Variants in LRP3 observed in about 807,000 individuals in gnomAD.
The protein encoded by LRP3 is low-density lipoprotein receptor-related protein 3.
A neutral mutation model predicts 58.5 loss-of-function variants in LRP3; 49 were observed. The observed-to-expected ratio is 0.84, with a 90% CI of 0.67 to 1.06. LRP3 has a LOEUF of 1.06. Ranked by LOEUF, LRP3 falls within the 50% of genes least tolerant of loss-of-function variation. The probability of loss-of-function intolerance (pLI) is 0.00; values close to 1 mark genes in which losing one functional copy is unlikely to be tolerated. For missense variants in LRP3, 1,019 were observed against 1,134.2 expected (o/e 0.90, Z 1.46); for synonymous variants, 485 against 492.2 (o/e 0.99, Z 0.20).
Position 33,205,993 on chromosome 19 carries a change from G to C in LRP3, c.1223G>C (p.Arg408Pro). 2 of 1,574,112 alleles carry C rather than the reference G, an allele frequency of 1.3e-6. No individual in the cohort carries two copies. Among genetic ancestry groups the C allele is most frequent in the Non-Finnish European group, 1.7e-6 (2 of 1,159,938 alleles). The change falls in exon 5 of 7, where the codon CGA (arginine) becomes CCA (proline). Residue 408 changes from arginine to proline, a missense_variant. Physicochemically the swap from Arg to Pro is moderately radical, Grantham distance 103. This residue lies in a region of LRP3 where 592 missense variants were observed against 725.5 expected (regional missense o/e 0.82). Coordinates refer to ENST00000253193, the MANE Select transcript of LRP3 (RefSeq NM_002333.4). ...CDGWWHCASGRDEQGCPACPP... is the reference protein window; with the variant it reads ...CDGWWHCASGPDEQGCPACPP... ...GGCTGGTGGCATTGTGCCAGCGGCC[G>C]AGACGAGCAGGGCTGCCCTGCCTGC...
Position 33,207,446 on chromosome 19 carries a change from C to A in LRP3, c.2184C>A (p.Pro728=). 6.3e-7 allele frequency: 1 copy of A among 1,598,148 alleles called. No homozygotes were observed. The highest frequency in any genetic ancestry group is 2.3e-5 in the East Asian group (1 of 44,396). The change falls in exon 7 of 7, where the codon CCC becomes CCA. Residue 728 remains proline, a synonymous_variant. Transcript: ENST00000253193. The stretch of plus-strand genomic sequence containing the variant: ...CCTGCTCAGCCCAGGACCCGCACCC[C>A]CAGGTCTCCACTGCCAGCAGCACCC... ...REPCSAQDPH[P]QVSTASSTLG...
At chr19:33,206,895 A>G in intron 6 of LRP3, 93 bp from the exon 7 acceptor site, 1 of 1,211,412 alleles carries the variant, frequency 8.3e-7, no homozygotes, top group Non-Finnish European at 1.1e-6. Context: ...CTCGGGTCTC[A>G]GGTCCCTTGG....
At chr19:33,198,476 A>G (rs547627126) in intron 2 of LRP3, among the ~76,000 whole-genome samples, 4 of 152,236 alleles carry the variant, frequency 2.6e-5, no homozygotes, top group Admixed American at 6.5e-5. Context: ...AGGTGGCCCA[A>G]GGTACCCACC....
chr19:33,194,731 A>C lies in LRP3; in HGVS notation c.-55A>C, dbSNP rs1041538579. On this transcript the variant is annotated 5_prime_UTR_variant, in exon 1 of 7. Transcript: ENST00000253193. ...AGCCAGAGCCGGAGCCGCAGCCGGAACCGGAGCCGGAGCCGCGGGGCAGGA... is the reference window on the plus strand; with the variant it reads ...AGCCAGAGCCGGAGCCGCAGCCGGACCCGGAGCCGGAGCCGCGGGGCAGGA... 9.8e-6 allele frequency: 5 copies of C among 512,422 alleles called. No individual in the cohort carries two copies. Among genetic ancestry groups the C allele is most frequent in the Admixed American group, 7.9e-5 (1 of 12,594 alleles). The allele number at this position is 512,422 out of a possible 1,614,324, so 31.7% of individuals were successfully genotyped here. A position where few individuals can be genotyped will look rare whatever the true frequency, so the allele number is the denominator to read the frequency against.
At chr19:33,203,463 CAG>C (rs1206891632) in intron 3 of LRP3, among the ~76,000 whole-genome samples, 2 of 152,168 alleles carry the variant, frequency 1.3e-5, no homozygotes, top group African/African-American at 4.8e-5. Flanking sequence ...TGCAAAGGTG[CAG>C]AGAGCGTGTA....
At position 33,206,972 on chromosome 19, in the gene LRP3, C is replaced by T. The variant is rs1298405470; in HGVS notation, c.1726-16C>T. On this transcript the variant is annotated splice_polypyrimidine_tract_variant and intron_variant, in intron 6 of 6. Transcript: ENST00000253193. ...TCAGCCGCATCCCCCCGCCCCTACC[C>T]TGCTCCACCCCACAGGCCTCTGTGC... 3 of 1,462,676 alleles carry T rather than the reference C, an allele frequency of 2.1e-6. No individual in the cohort carries two copies. The highest frequency in any genetic ancestry group is 2.6e-5 in the Admixed American group (1 of 38,084). 90.6% of individuals were successfully genotyped at this position (1,462,676 alleles called of 1,614,324 possible). A position where few individuals can be genotyped will look rare whatever the true frequency, so the allele number is the denominator to read the frequency against.
At chr19:33,204,135 C>T (rs150431229) in intron 3 of LRP3, 99 of 165,642 alleles carry the variant, frequency 6.0e-4, no homozygotes, top group South Asian at 1.8e-3. Flanking sequence ...CAGTGTATCT[C>T]CGGAGATGAC....
rs757278351 is a variant in LRP3 at position 33,206,048 on chromosome 19, C to G, written c.1278C>G (p.Gly426=). ...CCGACCAGTACCCCTGCGAGGGTGG[C>G]AGTGGTCTGTGCTACACGCCTGCCG... The part of the protein sequence containing the change: ...CPPDQYPCEG[G]SGLCYTPADR... Residue 426 remains glycine, a synonymous_variant, in exon 5 of 7, where the codon GGC becomes GGG. Coordinates refer to ENST00000253193, the MANE Select transcript of LRP3 (RefSeq NM_002333.4). The G allele has an allele frequency of 5.6e-6, 9 of 1,600,236 alleles. No individual in the cohort carries two copies. The South Asian group carries it at 1.0e-4, about 18-fold the overall frequency.
chr19:33,196,708 C>T (rs1454672428), intron 1 of LRP3, 22 bp from the exon 2 acceptor site: 1 of 1,613,736 alleles, frequency 6.2e-7, no homozygotes, highest in African/African-American at 1.3e-5. Flanking sequence ...GACCCCTGAC[C>T]CTTTCTTTGT....
rs757113380 is a variant in LRP3 at position 33,206,109 on chromosome 19, G to A, written c.1339G>A (p.Ala447Thr). The change falls in exon 5 of 7, where the codon GCC becomes ACC. Residue 447 changes from alanine to threonine, a missense_variant. This residue lies in a region of LRP3 where 592 missense variants were observed against 725.5 expected (regional missense o/e 0.82). Coordinates refer to ENST00000253193, the MANE Select transcript of LRP3 (RefSeq NM_002333.4). The part of the protein sequence containing the change: ...CNNQKSCPDG[A>T]DEKNCFSCQP... ...CAACCAGAAAAGCTGTCCCGACGGCGCCGACGAGAAGAACTGCTTCTCCTG... is the reference window on the plus strand; with the variant it reads ...CAACCAGAAAAGCTGTCCCGACGGCACCGACGAGAAGAACTGCTTCTCCTG... 9.9e-6 allele frequency: 16 copies of A among 1,609,348 alleles called. No individual in the cohort carries two copies. The highest frequency in any genetic ancestry group is 1.2e-5 in the Non-Finnish European group (14 of 1,179,048).
intron 6 of LRP3, 116 bp downstream of exon 6, chr19:33,206,849 C>T: frequency 7.8e-7 from 1 of 1,284,642 alleles, no homozygotes; most frequent in African/African-American, 1.5e-5. Flanking sequence ...GACCTGAGGG[C>T]CCATGGCCAG....
At position 33,199,604 on chromosome 19, in the gene LRP3, A is replaced by G. The variant is rs1215472126; in HGVS notation, c.121+2827A>G. 4.6e-5 allele frequency among the ~76,000 whole-genome samples: 7 copies of G among 152,222 alleles called. 1 individual carries two copies. The South Asian group carries it at 1.0e-3, about 23-fold the overall frequency. ...GCTGCACCCACCATGGTCTCTGCCA[A>G]CCCGCTTTGGAGAAGAGCAAACAGT... On this transcript the variant is annotated intron_variant, in intron 2 of 6. Coordinates refer to ENST00000253193, the MANE Select transcript of LRP3 (RefSeq NM_002333.4).
Position 33,204,799 on chromosome 19 carries a change from C to CAA in LRP3, c.423_424insAA (p.Asp142LysfsTer194). 6.2e-7 allele frequency: 1 copy of CAA among 1,613,638 alleles called. No individual in the cohort carries two copies. Among genetic ancestry groups the CAA allele is most frequent in the Non-Finnish European group, 8.5e-7 (1 of 1,179,992 alleles). ...GACCATGTCTGGATTTTCTTCCACT[C>CAA]AGACGCCTCCAGCTCCGGCCAGGCC... On this transcript the variant is annotated frameshift_variant, in exon 4 of 7. Coordinates refer to ENST00000253193, the MANE Select transcript of LRP3 (RefSeq NM_002333.4). LOFTEE classifies it high-confidence loss of function.
In LRP3 at chr19:33,205,979, T is replaced by C. The variant is rs749509114; in HGVS notation, c.1209T>C (p.His403=). The C allele has an allele frequency of 1.8e-5, 28 of 1,579,008 alleles. No individual in the cohort carries two copies. In the Admixed American group the frequency reaches 4.2e-4, roughly 24 times the overall value. ...SEPQRCDGWW[H]CASGRDEQGC... The stretch of plus-strand genomic sequence containing the variant: ...CACAGCGCTGTGATGGCTGGTGGCA[T>C]TGTGCCAGCGGCCGAGACGAGCAGG... The change falls in exon 5 of 7, where the codon CAT becomes CAC. Residue 403 remains histidine (H), a synonymous_variant. Coordinates refer to ENST00000253193, the MANE Select transcript of LRP3 (RefSeq NM_002333.4).
At chr19:33,197,931 C>A (rs984692220) in intron 2 of LRP3, among the ~76,000 whole-genome samples, 1 of 152,216 alleles carries the variant, frequency 6.6e-6, no homozygotes, top group African/African-American at 2.4e-5. Context: ...TCCTCTGATG[C>A]TTCGGGCTGG....
intron 3 of LRP3, among the ~76,000 whole-genome samples, chr19:33,203,686 G>A (rs907687093): frequency 5.9e-5 from 9 of 152,144 alleles, no homozygotes; most frequent in African/African-American, 1.9e-4. Context: ...GGAAGGCAGG[G>A]CCAGCACACA....
chr19:33,205,137 G>T, intron 4 of LRP3, 109 bp from the exon 5 acceptor site: 1 of 1,245,630 alleles, frequency 8.0e-7, no homozygotes. Flanking sequence ...AGGGGTCTCT[G>T]CTGCCACAGT....
In LRP3 at chr19:33,205,284, C is replaced by A; in HGVS notation, c.514C>A (p.Arg172Ser). 2 of 1,610,482 alleles carry A rather than the reference C, an allele frequency of 1.2e-6. No individual in the cohort carries two copies. Among genetic ancestry groups the A allele is most frequent in the Non-Finnish European group, 1.7e-6 (2 of 1,178,938 alleles). Reference sequence around the variant, plus strand: ...GGCATCCTGCCAGGCAGATGAGTTCCGCTGTGACAACGGCAAGTGCCTGCC... The same window carrying A: ...GGCATCCTGCCAGGCAGATGAGTTCAGCTGTGACAACGGCAAGTGCCTGCC... ...GQASCQADEF[R>S]CDNGKCLPGP... Residue 172 changes from arginine (R) to serine (S), a missense_variant, in exon 5 of 7, where the codon CGC (arginine) becomes AGC (serine). Arg to Ser is a moderately radical substitution (Grantham distance 110). Around this residue, in one of 2 missense-constraint regions of LRP3, gnomAD observed 592 missense variants for 725.5 expected, o/e 0.82. Transcript: ENST00000253193.
rs770335114 is a variant in LRP3, at chr19:33,206,240, G to A, written c.1470G>A (p.Leu490=). 5 of 1,597,114 alleles carry A rather than the reference G, an allele frequency of 3.1e-6. No individual in the cohort carries two copies. Among genetic ancestry groups the A allele is most frequent in the Non-Finnish European group, 4.3e-6 (5 of 1,172,484 alleles). ...CQDGSDEHGC[L]AAVPRKVITA... ...ACGGCAGCGATGAGCATGGGTGCCTGGCCGCCGTGCCCCGCAAGGTCATCA... is the reference window on the plus strand; with the variant it reads ...ACGGCAGCGATGAGCATGGGTGCCTAGCCGCCGTGCCCCGCAAGGTCATCA... Residue 490 remains leucine (L), a synonymous_variant, in exon 5 of 7, where the codon CTG becomes CTA. Transcript: ENST00000253193.
Sources: allele counts gnomAD v4.1 joint callset (sites outside exome capture counted in the v4.1 genomes callset), GRCh38; gene constraint gnomAD v4.1.1; regional missense constraint gnomAD v4.1.1; transcripts MANE v1.5; gene names NCBI Gene and HGNC (gene_info 2026-07-23, HGNC 2026-07-21).